Variants in TMTC1 observed in about 807,000 individuals in gnomAD.
The protein encoded by TMTC1 is protein O-mannosyl-transferase TMTC1.
TMTC1 carries 73 observed loss-of-function variants against 104.8 expected under a neutral mutation model. That is an observed-to-expected ratio of 0.70 (90% CI 0.58 to 0.85). TMTC1 has a LOEUF of 0.85. TMTC1 is among the 40% of genes least tolerant of loss of function. The pLI, the probability that TMTC1 is intolerant of heterozygous loss-of-function variation, is 0.00. For missense variants in TMTC1, 1,035 were observed against 1,096.1 expected, an observed-to-expected ratio of 0.94 and a Z score of 0.79; for synonymous variants, 434 against 428.7, an observed-to-expected ratio of 1.01 and a Z score of -0.15.
chr12:29,694,162 C>G (rs1941344804), intron 5 of TMTC1, among the ~76,000 whole-genome samples: 3 of 152,160 alleles, frequency 2.0e-5, no homozygotes, highest in Admixed American at 6.6e-5. Context: ...CTTTTTCACA[C>G]TGTACTATAA....
chr12:29,709,255 C>T (rs1328635219), intron 5 of TMTC1, among the ~76,000 whole-genome samples: 3 of 152,176 alleles, frequency 2.0e-5, no homozygotes, highest in East Asian at 3.9e-4. Context: ...CAAATGCTGA[C>T]ATCACCAGGT....
At chr12:29,644,826 C>G (rs1939194977) in intron 5 of TMTC1, among the ~76,000 whole-genome samples, 1 of 152,172 alleles carries the variant, frequency 6.6e-6, no homozygotes. Context: ...GACCGCAGCA[C>G]CTGACTAGCT....
intron 7 of TMTC1, among the ~76,000 whole-genome samples, chr12:29,586,471 T>A (rs894168384): frequency 6.6e-5 from 10 of 152,178 alleles, no homozygotes; most frequent in African/African-American, 2.4e-4. Context: ...TCCAACACTA[T>A]GTTGAATAGG....
chr12:29,712,083 G>T (rs1941946028), intron 5 of TMTC1, among the ~76,000 whole-genome samples: 1 of 149,782 alleles, frequency 6.7e-6, no homozygotes, highest in Non-Finnish European at 1.5e-5. Flanking sequence ...CTTCATCAGG[G>T]GACACTGCTC....
At chr12:29,611,108 C>T (rs987754767) in intron 6 of TMTC1, among the ~76,000 whole-genome samples, 2 of 152,016 alleles carry the variant, frequency 1.3e-5, no homozygotes, top group Non-Finnish European at 2.9e-5. Flanking sequence ...AACAGAGCAC[C>T]GAAGGCCGAT....
intron 5 of TMTC1, among the ~76,000 whole-genome samples, chr12:29,720,668 G>C (rs1331588989): frequency 6.6e-6 from 1 of 151,840 alleles, no homozygotes; most frequent in Non-Finnish European, 1.5e-5. Context: ...AATAGAAATG[G>C]GGGAGAGTAA....
chr12:29,644,068 TTTATAGATAA>T (rs1939133231), intron 5 of TMTC1, among the ~76,000 whole-genome samples: 6 of 51,080 alleles, frequency 1.2e-4, no homozygotes, highest in South Asian at 8.4e-4. Flanking sequence ...AAATATATAA[TTTATAGATAA>T]ATATAAATAT....
intron 11 of TMTC1, chr12:29,521,103 G>C (rs1401505925): frequency 5.6e-6 from 1 of 178,020 alleles, no homozygotes; most frequent in Admixed American, 5.9e-5. Context: ...AAAAATGGTG[G>C]AATGTTTTCA....
intron 5 of TMTC1, among the ~76,000 whole-genome samples, chr12:29,741,366 T>C (rs532854866): frequency 6.6e-6 from 1 of 152,226 alleles, no homozygotes; most frequent in Non-Finnish European, 1.5e-5. Flanking sequence ...CACAGGCCAA[T>C]GGAGTATGGT....
intron 11 of TMTC1, among the ~76,000 whole-genome samples, chr12:29,527,607 A>G (rs1417946577): frequency 6.6e-6 from 1 of 152,192 alleles, no homozygotes; most frequent in East Asian, 1.9e-4. Flanking sequence ...CATCTTTATA[A>G]CCAAGCTAGT....
intron 5 of TMTC1, among the ~76,000 whole-genome samples, chr12:29,684,470 T>C (rs1253331337): frequency 6.6e-6 from 1 of 152,206 alleles, no homozygotes; most frequent in East Asian, 1.9e-4. Context: ...GAGGGCTTTC[T>C]CTTTATTTTT....
chr12:29,514,432 TTAA>T, intron 16 of TMTC1, 47 bp downstream of exon 16: 1 of 1,562,874 alleles, frequency 6.4e-7, no homozygotes, highest in Non-Finnish European at 8.7e-7. Context: ...CAAAAGACAA[TTAA>T]TTTTAATCTG....
chr12:29,593,561 G>A (rs7311960), intron 7 of TMTC1, among the ~76,000 whole-genome samples: 7,164 of 152,194 alleles, frequency 0.047, 572 homozygotes, highest in African/African-American at 0.16. Context: ...TATTGCAGAA[G>A]GTAAGATACA....
chr12:29,535,869 C>T lies in TMTC1; in HGVS notation c.1785+340G>A, dbSNP rs186447006. On this transcript the variant is annotated intron_variant, in intron 11 of 17. Coordinates refer to ENST00000539277, the MANE Select transcript of TMTC1 (RefSeq NM_001193451.2). ...TCAAATTGCTCCATGTTGAGTTCAGCGATCTTAGACCACTTGCAATTCCTC... is the reference window on the plus strand; with the variant it reads ...TCAAATTGCTCCATGTTGAGTTCAGTGATCTTAGACCACTTGCAATTCCTC... 1.1e-4 allele frequency: 24 copies of T among 228,550 alleles called. No individual in the cohort carries two copies. The Admixed American group carries it at 1.1e-3, about 11-fold the overall frequency. The allele number at this position is 228,550 out of a possible 1,614,324, so 14.2% of individuals were successfully genotyped here.
chr12:29,668,645 G>C (rs1940385387), intron 5 of TMTC1, among the ~76,000 whole-genome samples: 1 of 151,926 alleles, frequency 6.6e-6, no homozygotes, highest in Admixed American at 6.6e-5. Context: ...ACTTTTAGTA[G>C]AGACAGGGTT....
intron 4 of TMTC1, among the ~76,000 whole-genome samples, chr12:29,755,490 A>T (rs1943192527): frequency 6.6e-6 from 1 of 152,178 alleles, no homozygotes. Flanking sequence ...GCTCACAAAA[A>T]CTTCATAGTC....
chr12:29,703,253 A>G (rs577673542), intron 5 of TMTC1, among the ~76,000 whole-genome samples: 3 of 152,290 alleles, frequency 2.0e-5, no homozygotes, highest in South Asian at 2.1e-4. Flanking sequence ...GAAAGCATGA[A>G]AGAGTCATGG....
At chr12:29,661,986 T>C (rs1565748938) in intron 5 of TMTC1, among the ~76,000 whole-genome samples, 1 of 152,032 alleles carries the variant, frequency 6.6e-6, no homozygotes, top group Non-Finnish European at 1.5e-5. Flanking sequence ...TAGAAAAAGA[T>C]GATGAAAGGG....
chr12:29,515,960 C>T (rs921518857), intron 15 of TMTC1, among the ~76,000 whole-genome samples: 17 of 151,304 alleles, frequency 1.1e-4, no homozygotes, highest in African/African-American at 4.1e-4. Flanking sequence ...CTATATATTC[C>T]TCTTCTATAT....
Sources: gnomAD v4.1 joint callset for allele counts (sites outside exome capture counted in the v4.1 genomes callset) on GRCh38, gnomAD v4.1.1 for gene constraint, MANE v1.5 for transcripts, NCBI Gene and HGNC (gene_info 2026-07-23, HGNC 2026-07-21) for gene names.